PLEKHA3: variants seen among roughly 807,000 people sequenced by gnomAD.
PLEKHA3 encodes the protein pleckstrin homology domain containing A3.
In PLEKHA3, 19 loss-of-function variants were observed where a neutral mutation model predicts 39.2. That is an observed-to-expected ratio of 0.48 (90% CI 0.34 to 0.71). PLEKHA3 has a LOEUF of 0.71. PLEKHA3 is among the 30% of genes least tolerant of loss of function. The probability of loss-of-function intolerance (pLI) is 0.01; values close to 1 mark genes in which losing one functional copy is unlikely to be tolerated. For missense variants in PLEKHA3, 253 were observed against 359.5 expected (o/e 0.70, Z 2.40); for synonymous variants, 97 against 118.6 (o/e 0.82, Z 1.18).
intron 3 of PLEKHA3, among the ~76,000 whole-genome samples, chr2:178,491,392 A>T (rs1685345440): frequency 6.6e-6 from 1 of 152,208 alleles, no homozygotes; most frequent in Non-Finnish European, 1.5e-5. Context: ...CCCAGGGTTA[A>T]ATGATCATTG....
chr2:178,502,952 A>C (rs1265793923), intron 7 of PLEKHA3, among the ~76,000 whole-genome samples: 1 of 152,030 alleles, frequency 6.6e-6, no homozygotes, highest in Non-Finnish European at 1.5e-5. Context: ...TGACAAAGCA[A>C]AGATTGAATT....
intron 5 of PLEKHA3, among the ~76,000 whole-genome samples, chr2:178,498,501 T>A (rs1685482090): frequency 6.6e-6 from 1 of 152,246 alleles, no homozygotes; most frequent in Admixed American, 6.5e-5. Context: ...TGCTACCATG[T>A]TAAACTTTGA....
At position 178,510,691 on chromosome 2, in the gene PLEKHA3, T is replaced by C. The variant is rs1685670695; in HGVS notation, c.*6804T>C. The C allele has an allele frequency of 6.5e-6, 1 of 153,792 alleles. No individual in the cohort carries two copies. Among genetic ancestry groups the C allele is most frequent in the Non-Finnish European group, 1.5e-5 (1 of 68,052 alleles). 9.5% of individuals were successfully genotyped at this position (153,792 alleles called of 1,614,324 possible). ...GCCCTAACATGCCAGTGCCTTATCT[T>C]GGATTTCTCAGCCTCCAAAACTGTG... On this transcript the variant is annotated 3_prime_UTR_variant, in exon 8 of 8. Transcript: ENST00000234453.
In PLEKHA3 at chr2:178,504,211, C is replaced by T. The variant is rs1172164841; in HGVS notation, c.*324C>T. 4.8e-6 allele frequency: 1 copy of T among 206,884 alleles called. No individual in the cohort carries two copies. The highest frequency in any genetic ancestry group is 8.9e-5 in the South Asian group (1 of 11,286). The allele number at this position is 206,884 out of a possible 1,614,324, so 12.8% of individuals were successfully genotyped here. ...ACTCTGAGGGGACTGACAGCATGGT[C>T]AGGGTGTATTGTAGCTTATAAACAT... On this transcript the variant is annotated 3_prime_UTR_variant, in exon 8 of 8. Coordinates refer to ENST00000234453, the MANE Select transcript of PLEKHA3 (RefSeq NM_019091.4).
Position 178,509,494 on chromosome 2 carries a change from C to A in PLEKHA3, c.*5607C>A, listed in dbSNP as rs908495723. The A allele has an allele frequency of 9.3e-6, 1 of 107,734 alleles. No individual in the cohort carries two copies. Among genetic ancestry groups the A allele is most frequent in the East Asian group, 2.7e-4 (1 of 3,714 alleles). The allele number at this position is 107,734 out of a possible 1,614,324, so 6.7% of individuals were successfully genotyped here. ...CTACTATCAGTTTTTTTTTTTTTTT[C>A]TGAGACAGGGTCTCACTCTTTCACC... On this transcript the variant is annotated 3_prime_UTR_variant, in exon 8 of 8. Transcript: ENST00000234453.
At chr2:178,490,610 T>C in intron 2 of PLEKHA3, 49 bp from the exon 3 acceptor site, 1 of 1,552,052 alleles carries the variant, frequency 6.4e-7, no homozygotes, top group Non-Finnish European at 8.8e-7. Context: ...TGATTACCCT[T>C]AAATTACTTA....
At chr2:178,495,475 A>C in intron 4 of PLEKHA3, 21 bp from the exon 5 acceptor site, 1 of 1,613,214 alleles carries the variant, frequency 6.2e-7, no homozygotes, top group East Asian at 2.2e-5. Context: ...AATCTGTTCA[A>C]GTCTTTGTGT....
chr2:178,493,381 T>C (rs977280263), intron 3 of PLEKHA3, among the ~76,000 whole-genome samples: 1 of 152,176 alleles, frequency 6.6e-6, no homozygotes, highest in African/African-American at 2.4e-5. Flanking sequence ...GAAAGGAAGC[T>C]AACAGATCTG....
At position 178,503,944 on chromosome 2, in the gene PLEKHA3, A is replaced by C; in HGVS notation, c.*57A>C. 1 of 1,585,920 alleles carries C rather than the reference A, an allele frequency of 6.3e-7. No homozygotes were observed. Among genetic ancestry groups the C allele is most frequent in the Non-Finnish European group, 8.6e-7 (1 of 1,160,412 alleles). On this transcript the variant is annotated 3_prime_UTR_variant, in exon 8 of 8. Coordinates refer to ENST00000234453, the MANE Select transcript of PLEKHA3 (RefSeq NM_019091.4). ...TTGCTATGCAAAAGCTGCTGTAATTAAACTATTGTTATAGGGAGTAGTTTT... is the reference window on the plus strand; with the variant it reads ...TTGCTATGCAAAAGCTGCTGTAATTCAACTATTGTTATAGGGAGTAGTTTT...
chr2:178,497,510 G>A (rs955128733), intron 5 of PLEKHA3, among the ~76,000 whole-genome samples: 26 of 152,312 alleles, frequency 1.7e-4, no homozygotes, highest in Admixed American at 1.6e-3. Flanking sequence ...GATTACAGGC[G>A]TGAGACACTG....
Position 178,504,077 on chromosome 2 carries a change from G to A in PLEKHA3, c.*190G>A. Reference sequence around the variant, plus strand: ...ATCTTTATATAGTTTGTTTGCAAGAGTATTTTCCTAATAACTTCACAGTAT... The same window carrying A: ...ATCTTTATATAGTTTGTTTGCAAGAATATTTTCCTAATAACTTCACAGTAT... On this transcript the variant is annotated 3_prime_UTR_variant, in exon 8 of 8. Transcript: ENST00000234453. 1 of 486,788 alleles carries A rather than the reference G, an allele frequency of 2.1e-6. No individual in the cohort carries two copies. The highest frequency in any genetic ancestry group is 3.6e-5 in the East Asian group (1 of 28,066). The allele number at this position is 486,788 out of a possible 1,614,324, so 30.2% of individuals were successfully genotyped here.
rs926686066 is a variant in PLEKHA3, at chr2:178,516,035, A to G, written c.*12148A>G. The G allele has an allele frequency of 5.3e-5, 8 of 151,476 alleles. No individual in the cohort carries two copies. The East Asian group carries it at 1.4e-3, about 26-fold the overall frequency. 9.4% of individuals were successfully genotyped at this position (151,476 alleles called of 1,614,324 possible). ...TATTGTAGCTAGTTATAAGATGTAT[A>G]TATAGCTTATATATGTGTATATACA... On this transcript the variant is annotated 3_prime_UTR_variant, in exon 8 of 8. Transcript: ENST00000234453.
At chr2:178,496,585 T>C (rs57496164) in intron 5 of PLEKHA3, among the ~76,000 whole-genome samples, 3,281 of 152,336 alleles carry the variant, frequency 0.022, 117 homozygotes, top group African/African-American at 0.074. Context: ...TTTGATGGGC[T>C]AATAGTTTCC....
chr2:178,512,950 C>T lies in PLEKHA3; in HGVS notation c.*9063C>T, dbSNP rs190501644. 3 of 153,676 alleles carry T rather than the reference C, an allele frequency of 2.0e-5. No individual in the cohort carries two copies. Among genetic ancestry groups the T allele is most frequent in the Non-Finnish European group, 4.4e-5 (3 of 68,032 alleles). The allele number at this position is 153,676 out of a possible 1,614,324, so 9.5% of individuals were successfully genotyped here. ...AGTATATATTCTTCCAGACCTTTTT[C>T]CTGTGTATTGACTTTTAAATAGATG... On this transcript the variant is annotated 3_prime_UTR_variant, in exon 8 of 8. Coordinates refer to ENST00000234453, the MANE Select transcript of PLEKHA3 (RefSeq NM_019091.4).
At chr2:178,495,058 T>C (rs1306225193) in intron 4 of PLEKHA3, among the ~76,000 whole-genome samples, 2 of 152,074 alleles carry the variant, frequency 1.3e-5, no homozygotes, top group African/African-American at 4.8e-5. Context: ...AATTGGGCTT[T>C]TTACTCTATC....
rs1043175569 is a variant in PLEKHA3, at chr2:178,503,831, C to T, written c.847C>T (p.Leu283Phe). 3 of 1,611,882 alleles carry T rather than the reference C, an allele frequency of 1.9e-6. No individual in the cohort carries two copies. In the African/African-American group the frequency reaches 4.0e-5, roughly 22 times the overall value. Reference sequence around the variant, plus strand: ...AGCAACCATTCCTGAAGAAAGCAGACTTATGGCCAAAAAACAATCTGAATC... The same window carrying T: ...AGCAACCATTCCTGAAGAAAGCAGATTTATGGCCAAAAAACAATCTGAATC... ...ASATIPEESR[L>F]MAKKQSESED... The change falls in exon 8 of 8, where the codon CTT becomes TTT. Residue 283 changes from leucine (L) to phenylalanine (F), a missense_variant. By Grantham distance (22) the Leu-to-Phe change is conservative. Coordinates refer to ENST00000234453, the MANE Select transcript of PLEKHA3 (RefSeq NM_019091.4).
rs531965412 is a variant in PLEKHA3 at position 178,508,385 on chromosome 2, A to C, written c.*4498A>C. ...GTTTCCCCATATCTCCCTGAGGATA[A>C]AATTAAGATTTTTTTCTTACATCTT... On this transcript the variant is annotated 3_prime_UTR_variant, in exon 8 of 8. Coordinates refer to ENST00000234453, the MANE Select transcript of PLEKHA3 (RefSeq NM_019091.4). The C allele has an allele frequency of 2.0e-5, 3 of 152,062 alleles. No individual in the cohort carries two copies. In the South Asian group the frequency reaches 6.2e-4, roughly 32 times the overall value. The allele number at this position is 152,062 out of a possible 1,614,324, so 9.4% of individuals were successfully genotyped here. A position where few individuals can be genotyped will look rare whatever the true frequency, so the allele number is the denominator to read the frequency against.
intron 2 of PLEKHA3, 151 bp downstream of exon 2, chr2:178,485,908 C>T (rs1027836726): frequency 3.5e-5 from 20 of 577,768 alleles, no homozygotes; most frequent in Non-Finnish European, 5.0e-5. Flanking sequence ...CATTTCATCA[C>T]AGTTAACACA....
rs1485896173 is a variant in PLEKHA3 at position 178,510,241 on chromosome 2, T to C, written c.*6354T>C. The C allele has an allele frequency of 6.5e-6, 1 of 153,270 alleles. No homozygotes were observed. Among genetic ancestry groups the C allele is most frequent in the East Asian group, 1.9e-4 (1 of 5,194 alleles). 9.5% of individuals were successfully genotyped at this position (153,270 alleles called of 1,614,324 possible). ...TTAGGTGTTATCTTTCTAAGAAACA[T>C]TCAAGCCTTAAGAAATCCAATCAGT... is the stretch of plus-strand genomic sequence containing the variant. On this transcript the variant is annotated 3_prime_UTR_variant, in exon 8 of 8. Coordinates refer to ENST00000234453, the MANE Select transcript of PLEKHA3 (RefSeq NM_019091.4).
Sources: allele counts gnomAD v4.1 joint callset (sites outside exome capture counted in the v4.1 genomes callset), GRCh38; gene constraint gnomAD v4.1.1; transcripts MANE v1.5; gene names NCBI Gene and HGNC (gene_info 2026-07-23, HGNC 2026-07-21).